The following SLIT2 variants were observed in gnomAD, a reference collection of about 807,000 sequenced individuals.
The protein encoded by SLIT2 is slit guidance ligand 2.
In SLIT2, 41 loss-of-function variants were observed where a neutral mutation model predicts 185.7. That is an observed-to-expected ratio of 0.22 (90% CI 0.17 to 0.29). SLIT2 has a LOEUF of 0.29. Among genes scored for constraint, SLIT2 ranks in the 10% least tolerant of loss-of-function variants. SLIT2 has a pLI of 1.00. For missense variants in SLIT2, 1,571 were observed against 1,909.0 expected, an observed-to-expected ratio of 0.82 and a Z score of 3.30; for synonymous variants, 693 against 680.2, an observed-to-expected ratio of 1.02 and a Z score of -0.29.
chr4:20,444,733 A>T (rs1324663290), intron 4 of SLIT2, among the ~76,000 whole-genome samples: 1 of 152,170 alleles, frequency 6.6e-6, no homozygotes, highest in Non-Finnish European at 1.5e-5. Context: ...CATTTTTAAG[A>T]TAAAAATTCT....
chr4:20,606,481 CA>C (rs35581868), intron 33 of SLIT2, among the ~76,000 whole-genome samples: 54 of 142,590 alleles, frequency 3.8e-4, no homozygotes, highest in East Asian at 6.2e-4. Context: ...GACTCTGTCT[CA>C]AAAAAAAAAA....
chr4:20,276,460 G>C (rs974030238), intron 4 of SLIT2, among the ~76,000 whole-genome samples: 1 of 152,110 alleles, frequency 6.6e-6, no homozygotes, highest in African/African-American at 2.4e-5. Flanking sequence ...ACCAGTCCTT[G>C]ACAACACCTA....
At chr4:20,483,066 T>C (rs1024877947) in intron 6 of SLIT2, among the ~76,000 whole-genome samples, 5 of 152,032 alleles carry the variant, frequency 3.3e-5, no homozygotes, top group Non-Finnish European at 2.9e-5. Flanking sequence ...CATTCGTGAC[T>C]CTTTAGGATG....
At chr4:20,533,756 A>T in intron 18 of SLIT2, 41 bp downstream of exon 18, 1 of 1,566,952 alleles carries the variant, frequency 6.4e-7, no homozygotes, top group Non-Finnish European at 8.7e-7. Flanking sequence ...CTACCAAAGG[A>T]TTGCAGCTCA....
At chr4:20,283,114 G>GCA (rs1432883928) in intron 4 of SLIT2, among the ~76,000 whole-genome samples, 5 of 121,202 alleles carry the variant, frequency 4.1e-5, no homozygotes, top group Admixed American at 1.8e-4. Flanking sequence ...GCCTGTGTGC[G>GCA]CGCGCGCACA....
intron 9 of SLIT2, among the ~76,000 whole-genome samples, chr4:20,509,727 C>T (rs1416245248): frequency 6.6e-6 from 1 of 152,194 alleles, no homozygotes; most frequent in Non-Finnish European, 1.5e-5. Flanking sequence ...TTCATGCAAT[C>T]TACTTATTTG....
chr4:20,505,377 A>G (rs1016993206), intron 9 of SLIT2, among the ~76,000 whole-genome samples: 7 of 152,130 alleles, frequency 4.6e-5, no homozygotes, highest in Admixed American at 1.3e-4. Context: ...ATGTATGTCT[A>G]TAAAATGTAG....
intron 4 of SLIT2, among the ~76,000 whole-genome samples, chr4:20,348,533 GC>G (rs768328767): frequency 6.6e-6 from 1 of 152,086 alleles, no homozygotes; most frequent in Non-Finnish European, 1.5e-5. Flanking sequence ...ACAGACGTGA[GC>G]CACTGCACCC....
At chr4:20,562,357 A>G (rs1347460703) in intron 26 of SLIT2, among the ~76,000 whole-genome samples, 1 of 151,760 alleles carries the variant, frequency 6.6e-6, no homozygotes, top group Non-Finnish European at 1.5e-5. Flanking sequence ...AGCCCTATCA[A>G]ATTCTCAGTA....
intron 29 of SLIT2, among the ~76,000 whole-genome samples, chr4:20,579,421 T>A (rs1030040427): frequency 2.0e-5 from 3 of 152,106 alleles, no homozygotes; most frequent in African/African-American, 7.2e-5. Context: ...CGGAACTGTA[T>A]AATATAGTTT....
At position 20,617,622 on chromosome 4, in the gene SLIT2, T is replaced by G; in HGVS notation, c.4320T>G (p.Ser1440Arg). 6.2e-7 allele frequency: 1 copy of G among 1,610,998 alleles called. No homozygotes were observed. The highest frequency in any genetic ancestry group is 2.2e-5 in the East Asian group (1 of 44,732). ...GGCAGCCCTACTGTGAATGCAGCAG[T>G]GGATACACGGGGGACAGCTGTGATC... is the stretch of plus-strand genomic sequence containing the variant. ...GLGQPYCECSSGYTGDSCDRE... is the reference protein window; with the variant it reads ...GLGQPYCECSRGYTGDSCDRE... Residue 1440 changes from serine to arginine, a missense_variant, in exon 36 of 37, where the codon AGT becomes AGG. Coordinates refer to ENST00000504154, the MANE Select transcript of SLIT2 (RefSeq NM_004787.4).
At chr4:20,381,109 C>A (rs1724469771) in intron 4 of SLIT2, among the ~76,000 whole-genome samples, 2 of 152,010 alleles carry the variant, frequency 1.3e-5, no homozygotes, top group African/African-American at 4.8e-5. Flanking sequence ...CAAAAATTAG[C>A]TGAGAGTGGT....
At chr4:20,296,179 C>G (rs1194483586) in intron 4 of SLIT2, among the ~76,000 whole-genome samples, 1 of 152,182 alleles carries the variant, frequency 6.6e-6, no homozygotes, top group African/African-American at 2.4e-5. Flanking sequence ...TCTGTGTAAA[C>G]AGAGACATAT....
intron 4 of SLIT2, among the ~76,000 whole-genome samples, chr4:20,453,555 A>C (rs557537446): frequency 1.6e-4 from 25 of 152,316 alleles, no homozygotes; most frequent in African/African-American, 5.8e-4. Context: ...TGTGTTCTAA[A>C]TGTTAGTCTT....
chr4:20,576,918 G>C (rs1577958202), intron 29 of SLIT2, among the ~76,000 whole-genome samples: 1 of 151,446 alleles, frequency 6.6e-6, no homozygotes, highest in African/African-American at 2.4e-5. Flanking sequence ...TAGCCTCAGT[G>C]TTCCAATAAG....
chr4:20,372,687 A>G (rs1723690690), intron 4 of SLIT2, among the ~76,000 whole-genome samples: 1 of 152,066 alleles, frequency 6.6e-6, no homozygotes, highest in Admixed American at 6.6e-5. Flanking sequence ...AATTCTAGAA[A>G]TAACCAGATA....
chr4:20,344,352 T>G (rs1023122864), intron 4 of SLIT2, among the ~76,000 whole-genome samples: 2 of 152,158 alleles, frequency 1.3e-5, no homozygotes, highest in African/African-American at 4.8e-5. Context: ...TAGAGCAATT[T>G]GGGAAGAATT....
intron 4 of SLIT2, among the ~76,000 whole-genome samples, chr4:20,410,930 T>C (rs1014750992): frequency 2.0e-5 from 3 of 152,024 alleles, no homozygotes; most frequent in African/African-American, 7.2e-5. Context: ...TTTTAAAGTA[T>C]TTTTTTCTAA....
At chr4:20,343,365 A>G (rs1306158403) in intron 4 of SLIT2, among the ~76,000 whole-genome samples, 1 of 152,076 alleles carries the variant, frequency 6.6e-6, no homozygotes, top group Non-Finnish European at 1.5e-5. Context: ...AATGATCTCC[A>G]TTTTTATTTT....
Sources: gnomAD v4.1 joint callset for allele counts (sites outside exome capture counted in the v4.1 genomes callset) on GRCh38, gnomAD v4.1.1 for gene constraint, MANE v1.5 for transcripts, NCBI Gene and HGNC (gene_info 2026-07-23, HGNC 2026-07-21) for gene names.